The following SPTBN4 variants were observed in gnomAD, a reference collection of about 807,000 sequenced individuals.
SPTBN4 encodes spectrin beta chain, non-erythrocytic 4.
A neutral mutation model predicts 277.8 loss-of-function variants in SPTBN4; 96 were observed. The ratio of observed to expected loss-of-function variants is 0.35; its 90% CI spans 0.29 to 0.41. SPTBN4 has a LOEUF of 0.41. SPTBN4 is among the 10% of genes least tolerant of loss of function. The pLI is 1.00. For synonymous variants in SPTBN4, 1,481 were observed against 1,580.3 expected (o/e 0.94, Z 1.49); for missense variants, 3,006 against 3,595.7 (o/e 0.84, Z 4.19).
Position 40,490,085 on chromosome 19 carries a change from C to T in SPTBN4, c.332C>T (p.Thr111Met), listed in dbSNP as rs2145828422. Residue 111 changes from threonine (T) to methionine (M), a missense_variant, in exon 4 of 36, where the codon ACG becomes ATG. Thr to Met is a moderately conservative substitution (Grantham distance 81). Around this residue, in one of 5 missense-constraint regions of SPTBN4, gnomAD observed 114 missense variants for 196.1 expected, o/e 0.58. Transcript: ENST00000598249. This position sits in a 1 kb window ranked among gnomAD's most constrained non-coding sequence, Gnocchi z 4.3. ...VLSGEQLPRPTRGRMRIHSLE... is the reference protein window; with the variant it reads ...VLSGEQLPRPMRGRMRIHSLE... ...CCCCTGTCGCCCTAGCCCAGGCCCA[C>T]GCGCGGCCGCATGCGGATCCACTCA... is the stretch of plus-strand genomic sequence containing the variant. 1.2e-6 allele frequency: 2 copies of T among 1,609,974 alleles called. No homozygotes were observed. The highest frequency in any genetic ancestry group is 1.7e-6 in the Non-Finnish European group (2 of 1,177,360).
At position 40,570,665 on chromosome 19, in the gene SPTBN4, T is replaced by G. The variant is rs759456083; in HGVS notation, c.7256T>G (p.Val2419Gly). ...PAPPPPPTHT[V>G]QHEGFLLRKR... Reference sequence around the variant, plus strand: ...CCTCCGCCACCGCCCACTCACACAGTGCAGCACGAGGGCTTCCTACTGCGC... The same window carrying G: ...CCTCCGCCACCGCCCACTCACACAGGGCAGCACGAGGGCTTCCTACTGCGC... Residue 2419 changes from valine (V) to glycine (G), a missense_variant, in exon 33 of 36, where the codon GTG becomes GGG. Physicochemically the swap from Val to Gly is moderately radical, Grantham distance 109. This residue lies in a region of SPTBN4 where 630 missense variants were observed against 677.6 expected (regional missense o/e 0.93). Coordinates refer to ENST00000598249, the MANE Select transcript of SPTBN4 (RefSeq NM_020971.3). 2 of 1,599,764 alleles carry G rather than the reference T, an allele frequency of 1.3e-6. No individual in the cohort carries two copies. The highest frequency in any genetic ancestry group is 1.7e-6 in the Non-Finnish European group (2 of 1,174,174).
At chr19:40,530,433 C>CGCGG (rs2080651702) in intron 18 of SPTBN4, 3 of 914,344 alleles carry the variant, frequency 3.3e-6, no homozygotes, top group Non-Finnish European at 3.9e-6. Context: ...AGGGGGCGCA[C>CGCGG]GCGGGCGGGC....
rs1247231842 is a variant in SPTBN4, at chr19:40,560,510, T to C, written c.5915+107T>C. The C allele has an allele frequency of 1.3e-6, 2 of 1,587,484 alleles. No homozygotes were observed. The highest frequency in any genetic ancestry group is 2.7e-5 in the African/African-American group (2 of 74,500). The stretch of plus-strand genomic sequence containing the variant: ...CTCAATGGAATGACAACAGCCAATA[T>C]CTGTGTGGCGCCTCTGTGTGCTAGG... On this transcript the variant is annotated intron_variant, in intron 27 of 35. Transcript: ENST00000598249. The surrounding 1 kb of genome is among the most constrained non-coding windows in gnomAD (Gnocchi z 5.2).
At chr19:40,549,949 T>C (rs2080898933) in intron 21 of SPTBN4, among the ~76,000 whole-genome samples, 1 of 152,158 alleles carries the variant, frequency 6.6e-6, no homozygotes, top group South Asian at 2.1e-4. Flanking sequence ...TGAGCCTGGC[T>C]TAAGTGCAGA....
In SPTBN4 at chr19:40,568,139, G is replaced by A. The variant is rs1421442573; in HGVS notation, c.6813G>A (p.Glu2271=). The A allele has an allele frequency of 2.5e-6, 4 of 1,577,558 alleles. No individual in the cohort carries two copies. The highest frequency in any genetic ancestry group is 3.4e-6 in the Non-Finnish European group (4 of 1,162,498). Residue 2271 remains glutamate (E), a synonymous_variant, in exon 31 of 36, where the codon GAG becomes GAA. Coordinates refer to ENST00000598249, the MANE Select transcript of SPTBN4 (RefSeq NM_020971.3). The part of the protein sequence containing the change: ...AARRRRPERQ[E]SAEHEAAHSL... ...GGAGGCGGCGGCCGGAGCGGCAGGA[G>A]TCAGCGGAGCACGAGGCGGCACACA...
At chr19:40,498,233 C>T (rs2145840706) in intron 7 of SPTBN4, among the ~76,000 whole-genome samples, 1 of 152,196 alleles carries the variant, frequency 6.6e-6, no homozygotes, top group East Asian at 1.9e-4. Context: ...ACACCCATCT[C>T]CCATCCCAAA....
At chr19:40,569,859 C>T in intron 32 of SPTBN4, 133 bp downstream of exon 32, 5 of 815,586 alleles carry the variant, frequency 6.1e-6, no homozygotes, top group Non-Finnish European at 7.3e-6. Flanking sequence ...ACAGCATGGA[C>T]TCTCAGGGTC....
At chr19:40,572,461 C>T (rs892816351) in intron 35 of SPTBN4, 81 bp downstream of exon 35, 4 of 1,540,294 alleles carry the variant, frequency 2.6e-6, no homozygotes, top group Non-Finnish European at 3.6e-6. Context: ...AGTGATGGGG[C>T]TGTGAGAAGG....
chr19:40,492,204 C>T (rs936847138), intron 4 of SPTBN4, among the ~76,000 whole-genome samples: 7 of 151,546 alleles, frequency 4.6e-5, no homozygotes, highest in African/African-American at 9.7e-5. Context: ...ACAGGCCTTA[C>T]GGGAGGGGAG....
At position 40,529,104 on chromosome 19, in the gene SPTBN4, G is replaced by A. The variant is rs970539976; in HGVS notation, c.3921G>A (p.Leu1307=). The change falls in exon 18 of 36, where the codon CTG becomes CTA. Residue 1307 remains leucine (L), a synonymous_variant. Coordinates refer to ENST00000598249, the MANE Select transcript of SPTBN4 (RefSeq NM_020971.3). ...WMQKLHDQLE[L]QHFLRDCHEL... Reference sequence around the variant, plus strand: ...AAAAGCTACATGACCAACTTGAGCTGCAGCACTTCCTCCGAGACTGCCACG... The same window carrying A: ...AAAAGCTACATGACCAACTTGAGCTACAGCACTTCCTCCGAGACTGCCACG... The A allele has an allele frequency of 1.2e-6, 2 of 1,614,092 alleles. No individual in the cohort carries two copies. The highest frequency in any genetic ancestry group is 1.7e-6 in the Non-Finnish European group (2 of 1,179,968).
At position 40,567,776 on chromosome 19, in the gene SPTBN4, A is replaced by G. The variant is rs770978877; in HGVS notation, c.6450A>G (p.Pro2150=). ...CCAAGGCGGCGCCCCTGCTGCGGCC[A>G]GGGGGCTATGAAAGGGGCTTGGAGC... The part of the protein sequence containing the change: ...LAAKAAPLLR[P]GGYERGLEPL... Residue 2150 remains proline (P), a synonymous_variant, in exon 31 of 36, where the codon CCA becomes CCG. Transcript: ENST00000598249. 6.5e-7 allele frequency: 1 copy of G among 1,527,760 alleles called. No individual in the cohort carries two copies. 94.6% of individuals were successfully genotyped at this position (1,527,760 alleles called of 1,614,324 possible).
chr19:40,501,094 CA>C (rs1472694671), intron 7 of SPTBN4, among the ~76,000 whole-genome samples: 1 of 151,814 alleles, frequency 6.6e-6, no homozygotes, highest in Non-Finnish European at 1.5e-5. Flanking sequence ...TGAGTTGAGC[CA>C]GGCATGGTGG....
chr19:40,559,261 T>C (rs2145940261), intron 26 of SPTBN4, among the ~76,000 whole-genome samples: 1 of 152,170 alleles, frequency 6.6e-6, no homozygotes, highest in Non-Finnish European at 1.5e-5. Flanking sequence ...ACAAATGACT[T>C]AGAAATCAGG....
intron 13 of SPTBN4, among the ~76,000 whole-genome samples, chr19:40,511,481 T>C (rs1487738903): frequency 1.3e-5 from 2 of 152,184 alleles, no homozygotes; most frequent in Admixed American, 1.3e-4. Context: ...TGTTTTGCAT[T>C]GTGATATTTT....
Position 40,567,774 on chromosome 19 carries a change from C to T in SPTBN4, c.6448C>T (p.Pro2150Ser). The T allele has an allele frequency of 6.5e-7, 1 of 1,529,592 alleles. No homozygotes were observed. The highest frequency in any genetic ancestry group is 8.8e-7 in the Non-Finnish European group (1 of 1,138,274). 94.8% of individuals were successfully genotyped at this position (1,529,592 alleles called of 1,614,324 possible). Reference protein sequence around the residue: ...LAAKAAPLLRPGGYERGLEPL... With the variant: ...LAAKAAPLLRSGGYERGLEPL... ...GGCCAAGGCGGCGCCCCTGCTGCGG[C>T]CAGGGGGCTATGAAAGGGGCTTGGA... The change falls in exon 31 of 36, where the codon CCA becomes TCA. Residue 2150 changes from proline (P) to serine (S), a missense_variant. Coordinates refer to ENST00000598249, the MANE Select transcript of SPTBN4 (RefSeq NM_020971.3).
chr19:40,504,158 G>C, intron 12 of SPTBN4, 26 bp downstream of exon 12: 1 of 1,309,518 alleles, frequency 7.6e-7, no homozygotes, highest in Non-Finnish European at 1.1e-6. Flanking sequence ...CGGGGATGCG[G>C]GTGGAGTGCC....
At position 40,568,198 on chromosome 19, in the gene SPTBN4, G is replaced by GGCGGCGCGA. The variant is rs755409934; in HGVS notation, c.6879_6887dup (p.Glu2297_Arg2299dup). The stretch of plus-strand genomic sequence containing the variant: ...CTGGGCCGCTATGAGCAGATGGAGC[G>GGCGGCGCGA]GCGGCGCGAGCGGCGTGAGCGGCGC... On this transcript the variant is annotated inframe_insertion, in exon 31 of 36. Transcript: ENST00000598249. 6.3e-7 allele frequency: 1 copy of GGCGGCGCGA among 1,597,084 alleles called. No individual in the cohort carries two copies. The highest frequency in any genetic ancestry group is 1.1e-5 in the South Asian group (1 of 88,518).
chr19:40,537,252 G>A (rs1054673405), intron 20 of SPTBN4, among the ~76,000 whole-genome samples: 1 of 151,984 alleles, frequency 6.6e-6, no homozygotes, highest in Non-Finnish European at 1.5e-5. Flanking sequence ...TCAGGTGATC[G>A]GCCTGCCTTG....
rs1314586110 is a variant in SPTBN4, at chr19:40,529,150, C to T, written c.3948+19C>T. The T allele has an allele frequency of 2.5e-6, 4 of 1,607,864 alleles. No homozygotes were observed. The highest frequency in any genetic ancestry group is 2.6e-6 in the Non-Finnish European group (3 of 1,174,620). ...CCACGAGGTAGGAACTCCAGGTGTG[C>T]TGGGGACGGAGACATCCCCTTTAGT... On this transcript the variant is annotated intron_variant, in intron 18 of 35. Transcript: ENST00000598249.
Sources: gnomAD v4.1 joint callset for allele counts (sites outside exome capture counted in the v4.1 genomes callset) on GRCh38, gnomAD v4.1.1 for gene constraint, gnomAD v4.1.1 regional missense constraint, Gnocchi (gnomAD v3.1) non-coding constraint, MANE v1.5 for transcripts, NCBI Gene and HGNC (gene_info 2026-07-23, HGNC 2026-07-21) for gene names.